RAP1GDS1: variants seen among roughly 807,000 people sequenced by gnomAD.
RAP1GDS1 encodes the protein RAP1, GTP-GDP dissociation stimulator 1.
A neutral mutation model predicts 71.1 loss-of-function variants in RAP1GDS1; 35 were observed. The observed-to-expected ratio is 0.49, with a 90% CI of 0.38 to 0.65. RAP1GDS1 has a LOEUF of 0.65. RAP1GDS1 is among the 30% of genes least tolerant of loss of function. The probability of loss-of-function intolerance (pLI) is 0.00; values close to 1 mark genes in which losing one functional copy is unlikely to be tolerated. For synonymous variants in RAP1GDS1, 229 were observed against 243.1 expected, an observed-to-expected ratio of 0.94 and a Z score of 0.54; for missense variants, 663 against 706.1, an observed-to-expected ratio of 0.94 and a Z score of 0.69.
chr4:98,285,171 G>C (rs1163253251), intron 1 of RAP1GDS1, among the ~76,000 whole-genome samples: 1 of 152,150 alleles, frequency 6.6e-6, no homozygotes. Flanking sequence ...GCAATAGATT[G>C]CTATTGAAAT....
At chr4:98,271,089 T>C (rs1201705768) in intron 1 of RAP1GDS1, among the ~76,000 whole-genome samples, 3 of 152,144 alleles carry the variant, frequency 2.0e-5, no homozygotes, top group African/African-American at 7.2e-5. Flanking sequence ...TTAAAAGTTA[T>C]GTGTGGATTT....
chr4:98,263,894 G>A (rs642056), intron 1 of RAP1GDS1, among the ~76,000 whole-genome samples: 151,141 of 152,302 alleles, frequency 0.99, 75,000 homozygotes, highest in East Asian at 1. Context: ...CAGGCAATCT[G>A]TTTCCTTCTA....
At chr4:98,350,842 AT>A (rs1737078066) in intron 3 of RAP1GDS1, among the ~76,000 whole-genome samples, 1 of 152,094 alleles carries the variant, frequency 6.6e-6, no homozygotes. Context: ...CGTCTCAAAA[AT>A]AAATACATAA....
chr4:98,269,195 A>T (rs1252098801), intron 1 of RAP1GDS1, among the ~76,000 whole-genome samples: 1 of 120,158 alleles, frequency 8.3e-6, no homozygotes, highest in African/African-American at 2.9e-5. Context: ...AAAAAAAAAA[A>T]GCCAAGGAAA....
chr4:98,289,811 T>A (rs1726661223), intron 1 of RAP1GDS1, among the ~76,000 whole-genome samples: 1 of 152,146 alleles, frequency 6.6e-6, no homozygotes, highest in Non-Finnish European at 1.5e-5. Context: ...CCAAATTGAC[T>A]TAATGCCATT....
At chr4:98,386,620 G>A (rs1359458215) in intron 5 of RAP1GDS1, among the ~76,000 whole-genome samples, 2 of 148,880 alleles carry the variant, frequency 1.3e-5, no homozygotes, top group African/African-American at 4.9e-5. Flanking sequence ...AATGTATAAT[G>A]GGGCTTAAAG....
chr4:98,408,105 T>TA (rs201226524), intron 7 of RAP1GDS1, among the ~76,000 whole-genome samples: 14,786 of 123,526 alleles, frequency 0.12, 861 homozygotes, highest in African/African-American at 0.21. Flanking sequence ...TATATATATA[T>TA]TTTTTTTTTT....
chr4:98,427,388 T>G (rs976119212), intron 12 of RAP1GDS1, among the ~76,000 whole-genome samples: 5 of 152,118 alleles, frequency 3.3e-5, no homozygotes, highest in Non-Finnish European at 7.4e-5. Flanking sequence ...GAGAAAGAAA[T>G]AAAGGTCATC....
chr4:98,402,292 A>G (rs1429463553), intron 6 of RAP1GDS1, among the ~76,000 whole-genome samples: 1 of 152,040 alleles, frequency 6.6e-6, no homozygotes, highest in African/African-American at 2.4e-5. Flanking sequence ...GGCTGGTCTC[A>G]AACTCCTGGG....
intron 2 of RAP1GDS1, among the ~76,000 whole-genome samples, chr4:98,315,263 C>T (rs748656682): frequency 6.6e-6 from 1 of 152,130 alleles, no homozygotes; most frequent in African/African-American, 2.4e-5. Flanking sequence ...CTGTCTCTTA[C>T]TGGACAGTTA....
chr4:98,387,369 A>G (rs1196926915), intron 5 of RAP1GDS1: 5 of 451,894 alleles, frequency 1.1e-5, no homozygotes, highest in Middle Eastern at 3.3e-4. Context: ...AGTTATACCA[A>G]TGTTTTAAAC....
chr4:98,385,713 CTTG>C (rs1742644718), intron 5 of RAP1GDS1, among the ~76,000 whole-genome samples: 1 of 151,810 alleles, frequency 6.6e-6, no homozygotes, highest in Non-Finnish European at 1.5e-5. Context: ...GCAGATGTAT[CTTG>C]TTAACAGAAT....
chr4:98,345,888 ATGTAAC>A (rs1736173463), intron 3 of RAP1GDS1, among the ~76,000 whole-genome samples: 1 of 152,222 alleles, frequency 6.6e-6, no homozygotes, highest in Admixed American at 6.5e-5. Flanking sequence ...CGGTAGCAGC[ATGTAAC>A]CTGAAAGATT....
intron 2 of RAP1GDS1, among the ~76,000 whole-genome samples, chr4:98,318,512 CT>C (rs1731283743): frequency 6.6e-6 from 1 of 152,216 alleles, no homozygotes; most frequent in Admixed American, 6.5e-5. Context: ...CTTTATTGTA[CT>C]GTACTTAACC....
At chr4:98,386,866 G>C (rs1742845829) in intron 5 of RAP1GDS1, among the ~76,000 whole-genome samples, 1 of 152,014 alleles carries the variant, frequency 6.6e-6, no homozygotes, top group African/African-American at 2.4e-5. Flanking sequence ...AAACTTGCTT[G>C]AACTTGAAGC....
chr4:98,350,289 C>T (rs576645752), intron 3 of RAP1GDS1, among the ~76,000 whole-genome samples: 5 of 152,198 alleles, frequency 3.3e-5, no homozygotes, highest in Middle Eastern at 3.4e-3. Flanking sequence ...CAAATCAGAC[C>T]GTTCCTAAAT....
At chr4:98,439,161 G>A (rs982307226) in intron 14 of RAP1GDS1, among the ~76,000 whole-genome samples, 1 of 152,142 alleles carries the variant, frequency 6.6e-6, no homozygotes, top group African/African-American at 2.4e-5. Flanking sequence ...TAATGAAAGG[G>A]AAATGACATT....
chr4:98,426,521 G>A (rs1320804813), intron 12 of RAP1GDS1, among the ~76,000 whole-genome samples: 2 of 151,986 alleles, frequency 1.3e-5, no homozygotes, highest in African/African-American at 2.4e-5. Flanking sequence ...ACTTAGAAAA[G>A]AAATGGGAAA....
chr4:98,366,054 C>T (rs1465858114), intron 4 of RAP1GDS1, among the ~76,000 whole-genome samples: 1 of 152,180 alleles, frequency 6.6e-6, no homozygotes, highest in East Asian at 1.9e-4. Context: ...TTCTCTCACT[C>T]TCTTTTCAAC....
Sources: allele counts gnomAD v4.1 joint callset (sites outside exome capture counted in the v4.1 genomes callset), GRCh38; gene constraint gnomAD v4.1.1; transcripts MANE v1.5; gene names NCBI Gene and HGNC (gene_info 2026-07-23, HGNC 2026-07-21).